The following CYTH4 variants were observed in gnomAD, a reference collection of about 807,000 sequenced individuals.
CYTH4 encodes the protein cytohesin-4.
In CYTH4, 22 loss-of-function variants were observed where a neutral mutation model predicts 57.5. The ratio of observed to expected loss-of-function variants is 0.38; its 90% confidence interval spans 0.27 to 0.55. The LOEUF is 0.55. Ranked by LOEUF, CYTH4 falls within the 20% of genes least tolerant of loss-of-function variation. The probability of loss-of-function intolerance (pLI) is 0.74; values close to 1 mark genes in which losing one functional copy is unlikely to be tolerated. For missense variants in CYTH4, 420 were observed against 535.6 expected, an observed-to-expected ratio of 0.78 and a Z score of 2.13; for synonymous variants, 186 against 206.5, an observed-to-expected ratio of 0.90 and a Z score of 0.85.
At chr22:37,292,488 C>A in intron 1 of CYTH4, 133 bp from the exon 2 acceptor site, 2 of 826,320 alleles carry the variant, frequency 2.4e-6, no homozygotes, top group Non-Finnish European at 3.9e-6. Context: ...TCAGGGGAGG[C>A]TTCCTGGAGG....
Position 37,311,384 on chromosome 22 carries a change from C to T in CYTH4, c.886-72C>T, listed in dbSNP as rs967229343. 1 of 1,357,072 alleles carries T rather than the reference C, an allele frequency of 7.4e-7. No homozygotes were observed. The highest frequency in any genetic ancestry group is 1.2e-5 in the South Asian group (1 of 85,338). The allele number at this position is 1,357,072 out of a possible 1,614,324, so 84.1% of individuals were successfully genotyped here. Reference sequence around the variant, plus strand: ...TCCTCTTTGAGTTTGGGGAACCCCACACGTTCACACCCTGCCTTGGGCCTC... The same window carrying T: ...TCCTCTTTGAGTTTGGGGAACCCCATACGTTCACACCCTGCCTTGGGCCTC... On this transcript the variant is annotated intron_variant, in intron 10 of 12. Coordinates refer to ENST00000248901, the MANE Select transcript of CYTH4 (RefSeq NM_013385.5). This position sits in a 1 kb window ranked among gnomAD's most constrained non-coding sequence, Gnocchi z 4.4.
chr22:37,286,448 G>A (rs1569104393), intron 1 of CYTH4, among the ~76,000 whole-genome samples: 2 of 152,182 alleles, frequency 1.3e-5, no homozygotes, highest in African/African-American at 2.4e-5. Flanking sequence ...ATCACACAGG[G>A]CCTGGCGCAC....
chr22:37,296,519 C>G (rs1046828532), intron 4 of CYTH4: 3 of 164,016 alleles, frequency 1.8e-5, no homozygotes, highest in African/African-American at 7.2e-5. Flanking sequence ...TCCCCCACAC[C>G]ACTCCCAAGC....
Position 37,299,262 on chromosome 22 carries a change from G to A in CYTH4, c.390G>A (p.Val130=). 6.2e-7 allele frequency: 1 copy of A among 1,613,920 alleles called. No homozygotes were observed. Among genetic ancestry groups the A allele is most frequent in the Non-Finnish European group, 8.5e-7 (1 of 1,179,900 alleles). ...PINLQVLQAF[V]DCHEFANLNL... is the part of the protein sequence containing the mutation. ...ACCTGCAGGTCCTCCAGGCCTTCGT[G>A]GACTGCCACGAGTTCGCCAACCTCA... Residue 130 remains valine, a synonymous_variant, in exon 6 of 13, where the codon GTG becomes GTA. Transcript: ENST00000248901.
Position 37,302,670 on chromosome 22 carries a change from T to C in CYTH4, c.548-584T>C, listed in dbSNP as rs549606903. Among the ~76,000 whole-genome samples the C allele has an allele frequency of 3.2e-4, 49 of 152,314 alleles. No individual in the cohort carries two copies. The South Asian group carries it at 3.3e-3, about 10-fold the overall frequency. ...AGATGCAGCTGAACTTCCCTGGCTC[T>C]GGATCCAGGGCCCAAATACTCGACA... On this transcript the variant is annotated intron_variant, in intron 7 of 12. Transcript: ENST00000248901.
chr22:37,298,200 C>T lies in CYTH4; in HGVS notation c.353+518C>T, dbSNP rs1929046420. The stretch of plus-strand genomic sequence containing the variant: ...TAGCCAACGTGGTGAAACCCCGTCT[C>T]TACTAAAAATACAAAAATTAGCCGG... On this transcript the variant is annotated intron_variant, in intron 5 of 12. Transcript: ENST00000248901. The surrounding 1 kb of genome is among the most constrained non-coding windows in gnomAD (Gnocchi z 4.1). 1.3e-5 allele frequency: 2 copies of T among 155,160 alleles called. No individual in the cohort carries two copies. The highest frequency in any genetic ancestry group is 4.8e-5 in the African/African-American group (2 of 41,430). The allele number at this position is 155,160 out of a possible 1,614,324, so 9.6% of individuals were successfully genotyped here.
rs1225406372 is a variant in CYTH4, at chr22:37,314,992, T to C, written c.*1481T>C. 1 of 152,228 alleles carries C rather than the reference T, an allele frequency of 6.6e-6. No individual in the cohort carries two copies. Among genetic ancestry groups the C allele is most frequent in the East Asian group, 1.9e-4 (1 of 5,180 alleles). The allele number at this position is 152,228 out of a possible 1,614,324, so 9.4% of individuals were successfully genotyped here. A position where few individuals can be genotyped will look rare whatever the true frequency, so the allele number is the denominator to read the frequency against. On this transcript the variant is annotated 3_prime_UTR_variant, in exon 13 of 13. Coordinates refer to ENST00000248901, the MANE Select transcript of CYTH4 (RefSeq NM_013385.5). The stretch of plus-strand genomic sequence containing the variant: ...TCTGGAGGTCTGCAAGCACTGGTAG[T>C]GATATTGCAGCAGACAAGGTCTGGG...
At position 37,295,985 on chromosome 22, in the gene CYTH4, C is replaced by G; in HGVS notation, c.168-14C>G. Reference sequence around the variant, plus strand: ...GTCCTGGGGCAGCCCAAGCTGACGTCCTCATGTCCACAGCCGGATGGCCCA... The same window carrying G: ...GTCCTGGGGCAGCCCAAGCTGACGTGCTCATGTCCACAGCCGGATGGCCCA... On this transcript the variant is annotated splice_polypyrimidine_tract_variant and intron_variant, in intron 3 of 12. Coordinates refer to ENST00000248901, the MANE Select transcript of CYTH4 (RefSeq NM_013385.5). This position sits in a 1 kb window ranked among gnomAD's most constrained non-coding sequence, Gnocchi z 4.1. The G allele has an allele frequency of 5.6e-6, 9 of 1,611,316 alleles. No individual in the cohort carries two copies. Among genetic ancestry groups the G allele is most frequent in the Non-Finnish European group, 7.6e-6 (9 of 1,178,638 alleles).
intron 1 of CYTH4, 135 bp from the exon 2 acceptor site, chr22:37,292,486 G>T: frequency 1.2e-6 from 1 of 802,968 alleles, no homozygotes. Flanking sequence ...AGTCAGGGGA[G>T]GCTTCCTGGA....
intron 7 of CYTH4, among the ~76,000 whole-genome samples, chr22:37,302,512 A>G (rs1929220709): frequency 6.6e-6 from 1 of 152,222 alleles, no homozygotes; most frequent in African/African-American, 2.4e-5. Context: ...GCTCGGTGCC[A>G]CTGCTATCAG....
chr22:37,310,216 C>T (rs12170442), intron 9 of CYTH4, among the ~76,000 whole-genome samples: 1 of 152,116 alleles, frequency 6.6e-6, no homozygotes, highest in Non-Finnish European at 1.5e-5. Context: ...AGCACTCGGC[C>T]GCCTGTCCTG....
chr22:37,293,657 C>T (rs1928829953), intron 2 of CYTH4, among the ~76,000 whole-genome samples: 1 of 152,218 alleles, frequency 6.6e-6, no homozygotes, highest in Non-Finnish European at 1.5e-5. Flanking sequence ...GGAACCAGCC[C>T]CTCACCAGCA....
intron 2 of CYTH4, 118 bp from the exon 3 acceptor site, chr22:37,294,542 G>C: frequency 9.1e-7 from 1 of 1,102,386 alleles, no homozygotes; most frequent in African/African-American, 1.5e-5. Context: ...AGAGGTCAGG[G>C]AGAGGGGCCA....
In CYTH4 at chr22:37,312,034, C is replaced by T; in HGVS notation, c.972C>T (p.Leu324=). Residue 324 remains leucine (L), a synonymous_variant, in exon 12 of 13, where the codon CTC becomes CTT. Transcript: ENST00000248901. ...DDPKKPFCLE[L]YNPSCRGQKI... The stretch of plus-strand genomic sequence containing the variant: ...CCTCCCCACAGTTCTGCCTGGAGCT[C>T]TACAACCCTAGCTGCCGAGGCCAGA... The T allele has an allele frequency of 6.2e-7, 1 of 1,614,068 alleles. No individual in the cohort carries two copies. The highest frequency in any genetic ancestry group is 8.5e-7 in the Non-Finnish European group (1 of 1,179,972).
chr22:37,288,090 C>T (rs998714098), intron 1 of CYTH4, among the ~76,000 whole-genome samples: 2 of 152,070 alleles, frequency 1.3e-5, no homozygotes, highest in African/African-American at 2.4e-5. Flanking sequence ...ACCAGCCTGG[C>T]CAACATAGTG....
intron 8 of CYTH4, among the ~76,000 whole-genome samples, chr22:37,307,599 C>T (rs1331773342): frequency 6.6e-6 from 1 of 152,140 alleles, no homozygotes; most frequent in Non-Finnish European, 1.5e-5. Context: ...CCTTAAAGAA[C>T]CAGCAAGCTC....
chr22:37,291,488 G>A (rs1029336550), intron 1 of CYTH4, among the ~76,000 whole-genome samples: 4 of 152,224 alleles, frequency 2.6e-5, no homozygotes, highest in African/African-American at 9.6e-5. Flanking sequence ...GAAGGTCAGC[G>A]AGGATTTGGG....
chr22:37,312,321 C>A, intron 12 of CYTH4, 147 bp downstream of exon 12: 1 of 1,166,402 alleles, frequency 8.6e-7, no homozygotes, highest in Non-Finnish European at 1.2e-6. Context: ...ACCCGTATTC[C>A]ATGGGTACTT....
chr22:37,290,072 C>G (rs733271), intron 1 of CYTH4, among the ~76,000 whole-genome samples: 88,595 of 151,934 alleles, frequency 0.58, 26,155 homozygotes, highest in South Asian at 0.78. Context: ...GGCCAAGGTA[C>G]CAATATGGGC....
Sources: gnomAD v4.1 joint callset for allele counts (sites outside exome capture counted in the v4.1 genomes callset) on GRCh38, gnomAD v4.1.1 for gene constraint, Gnocchi (gnomAD v3.1) non-coding constraint, MANE v1.5 for transcripts, NCBI Gene and HGNC (gene_info 2026-07-23, HGNC 2026-07-21) for gene names.